Variants in EXOC4 observed in about 807,000 individuals in gnomAD.
The protein encoded by EXOC4 is SEC8-like 1.
EXOC4 carries 71 observed loss-of-function variants against 107.2 expected under a neutral mutation model. The observed-to-expected ratio is 0.66, with a 90% CI of 0.55 to 0.81. The LOEUF (loss-of-function observed/expected upper bound fraction) is 0.81. Among genes scored for constraint, EXOC4 ranks in the 30% least tolerant of loss-of-function variants. The pLI is 0.00. For synonymous variants in EXOC4, 456 were observed against 441.2 expected (o/e 1.03, Z -0.42); for missense variants, 1,108 against 1,189.6 (o/e 0.93, Z 1.01).
intron 14 of EXOC4, among the ~76,000 whole-genome samples, chr7:133,964,315 C>T (rs1351341757): frequency 2.0e-5 from 3 of 151,858 alleles, no homozygotes; most frequent in African/African-American, 7.3e-5. Flanking sequence ...ATATTTTTCT[C>T]TTGAGTTTTT....
chr7:133,960,232 G>C (rs568472896), intron 14 of EXOC4, among the ~76,000 whole-genome samples: 1 of 152,292 alleles, frequency 6.6e-6, no homozygotes, highest in African/African-American at 2.4e-5. Context: ...GTTTGGAGTT[G>C]AGTACTTTAA....
intron 3 of EXOC4, among the ~76,000 whole-genome samples, chr7:133,305,220 A>G (rs1794725587): frequency 6.6e-6 from 1 of 152,044 alleles, no homozygotes; most frequent in African/African-American, 2.4e-5. Flanking sequence ...AAATCTCCCA[A>G]ACCACTTTGC....
rs181212610 is a variant in EXOC4 at position 133,583,041 on chromosome 7, A to G, written c.1418-47004A>G. Among the ~76,000 whole-genome samples the G allele has an allele frequency of 5.3e-5, 8 of 152,330 alleles. No homozygotes were observed. The East Asian group carries it at 1.2e-3, about 22-fold the overall frequency. ...GCATGCTTCACATTTAAAGTATACTATTTAGTGGTTTTAGTATATTCACTG... is the reference window on the plus strand; with the variant it reads ...GCATGCTTCACATTTAAAGTATACTGTTTAGTGGTTTTAGTATATTCACTG... On this transcript the variant is annotated intron_variant, in intron 9 of 17. Transcript: ENST00000253861.
intron 10 of EXOC4, among the ~76,000 whole-genome samples, chr7:133,814,104 T>C (rs1046214316): frequency 1.3e-5 from 2 of 152,198 alleles, no homozygotes; most frequent in Non-Finnish European, 2.9e-5. Context: ...TTAAAAGTTA[T>C]AATTCAAAAG....
At chr7:133,725,461 C>T (rs762396059) in intron 10 of EXOC4, among the ~76,000 whole-genome samples, 5 of 152,142 alleles carry the variant, frequency 3.3e-5, no homozygotes, top group East Asian at 3.9e-4. Flanking sequence ...CTGAAACCTC[C>T]GCCTCCTGGG....
chr7:133,390,767 C>T (rs548306441), intron 7 of EXOC4, among the ~76,000 whole-genome samples: 1 of 152,320 alleles, frequency 6.6e-6, no homozygotes, highest in African/African-American at 2.4e-5. Context: ...AAAGTCCTCC[C>T]TAGCTGAAAG....
chr7:133,785,766 G>A (rs1047667858), intron 10 of EXOC4, among the ~76,000 whole-genome samples: 14 of 151,670 alleles, frequency 9.2e-5, no homozygotes, highest in African/African-American at 2.7e-4. Flanking sequence ...TCTGTCTCCC[G>A]GGTTCATGCC....
intron 12 of EXOC4, among the ~76,000 whole-genome samples, chr7:133,897,892 A>G (rs1369518648): frequency 1.3e-5 from 2 of 152,212 alleles, no homozygotes; most frequent in East Asian, 3.9e-4. Flanking sequence ...TTTGAAATAT[A>G]TATTACATTA....
At chr7:134,076,711 A>G in the EXOC4 span, among the ~76,000 whole-genome samples, 1 of 150,668 alleles carries the variant, frequency 6.6e-6, no homozygotes, top group African/African-American at 2.4e-5. Flanking sequence ...AATTGTATAT[A>G]TATATATATA....
rs185815263 is a variant in EXOC4, at chr7:133,295,829, T to C, written c.471+6713T>C. ...ACATCCCTTTTATCTGGCTTGAAAG[T>C]TTCTGAGATCTCACAGAACTGTTTT... On this transcript the variant is annotated intron_variant, in intron 3 of 17. Transcript: ENST00000253861. Among the ~76,000 whole-genome samples the C allele has an allele frequency of 1.3e-5, 2 of 152,180 alleles. 1 individual carries two copies. The highest frequency in any genetic ancestry group is 1.3e-4 in the Admixed American group (2 of 15,274).
intron 9 of EXOC4, among the ~76,000 whole-genome samples, chr7:133,553,615 T>G (rs887495264): frequency 2.0e-5 from 3 of 152,212 alleles, no homozygotes; most frequent in African/African-American, 7.2e-5. Context: ...GATTTGTCTC[T>G]CAAGACTCAT....
At chr7:133,270,643 T>G (rs1793846027) in intron 1 of EXOC4, among the ~76,000 whole-genome samples, 1 of 152,206 alleles carries the variant, frequency 6.6e-6, no homozygotes, top group South Asian at 2.1e-4. Context: ...TGATTTTATT[T>G]TATTTTAATG....
intron 10 of EXOC4, among the ~76,000 whole-genome samples, chr7:133,686,403 C>T (rs1020031457): frequency 2.6e-5 from 4 of 152,066 alleles, no homozygotes; most frequent in Admixed American, 6.6e-5. Context: ...AATGAAAACC[C>T]GATAGTCCTA....
intron 14 of EXOC4, among the ~76,000 whole-genome samples, chr7:133,978,408 T>C (rs1164647488): frequency 6.6e-6 from 1 of 152,242 alleles, no homozygotes; most frequent in Non-Finnish European, 1.5e-5. Context: ...CCAGAGATCC[T>C]TGGTGACCCT....
chr7:133,412,278 G>GTTT (rs35334259), intron 7 of EXOC4, among the ~76,000 whole-genome samples: 14,161 of 71,306 alleles, frequency 0.2, 3,940 homozygotes, highest in African/African-American at 0.44. Flanking sequence ...TCAGAATTCA[G>GTTT]TTTTTTTTTT....
At chr7:134,089,868 T>G in the EXOC4 span, among the ~76,000 whole-genome samples, 1 of 152,186 alleles carries the variant, frequency 6.6e-6, no homozygotes. Flanking sequence ...AGGCCTTATC[T>G]AGAATCTAAT....
intron 10 of EXOC4, among the ~76,000 whole-genome samples, chr7:133,734,014 A>G (rs1259318095): frequency 6.6e-6 from 1 of 152,254 alleles, no homozygotes; most frequent in Non-Finnish European, 1.5e-5. Flanking sequence ...GGGCTATTTT[A>G]CCAACTCCAT....
chr7:133,450,483 C>G (rs749396378), intron 7 of EXOC4, among the ~76,000 whole-genome samples: 1 of 152,094 alleles, frequency 6.6e-6, no homozygotes, highest in Non-Finnish European at 1.5e-5. Flanking sequence ...TGAAATGTAT[C>G]TTTTCCTCAC....
intron 17 of EXOC4, among the ~76,000 whole-genome samples, chr7:134,039,023 T>A (rs938338815): frequency 6.6e-6 from 1 of 152,238 alleles, no homozygotes; most frequent in Non-Finnish European, 1.5e-5. Flanking sequence ...TTCATTTTCC[T>A]TGGGGGAACA....
Sources: allele counts gnomAD v4.1 joint callset (sites outside exome capture counted in the v4.1 genomes callset), GRCh38; gene constraint gnomAD v4.1.1; transcripts MANE v1.5; gene names NCBI Gene and HGNC (gene_info 2026-07-23, HGNC 2026-07-21).